MOB3C: variants seen among roughly 807,000 people sequenced by gnomAD.
MOB3C encodes the protein MOB kinase activator 3C, also known as MOB1, Mps One Binder kinase activator-like 2C.
MOB3C carries 17 observed loss-of-function variants against 19.8 expected under a neutral mutation model. That is an observed-to-expected ratio of 0.86 (90% confidence interval 0.59 to 1.29). The LOEUF is 1.29. MOB3C is among the 50% of genes most tolerant of loss of function. The pLI is 0.00. For synonymous variants in MOB3C, 101 were observed against 119.2 expected, an observed-to-expected ratio of 0.85 and a Z score of 0.99; for missense variants, 291 against 301.9, an observed-to-expected ratio of 0.96 and a Z score of 0.27.
chr1:46,615,257 C>T lies in MOB3C; in HGVS notation c.-51+1454G>A, dbSNP rs999476625. ...TTTCCTGCCCCACTTCCCACCTCCCCACACCAACCACCCTGGGCTTCTTCC... is the reference window on the plus strand; with the variant it reads ...TTTCCTGCCCCACTTCCCACCTCCCTACACCAACCACCCTGGGCTTCTTCC... On this transcript the variant is annotated intron_variant, in intron 1 of 3. Coordinates refer to ENST00000319928, the MANE Select transcript of MOB3C (RefSeq NM_201403.3). The T allele has an allele frequency of 2.2e-5, 13 of 580,696 alleles. No homozygotes were observed. In the East Asian group the frequency reaches 2.3e-4, roughly 10 times the overall value. The allele number at this position is 580,696 out of a possible 1,614,324, so 36.0% of individuals were successfully genotyped here.
intron 1 of MOB3C, chr1:46,613,597 C>T: frequency 1.8e-6 from 1 of 568,032 alleles, no homozygotes; most frequent in African/African-American, 1.9e-5. Flanking sequence ...TGCTTTGTCT[C>T]TTTTCTGCTT....
intron 2 of MOB3C, 36 bp downstream of exon 2, chr1:46,612,868 C>A: frequency 6.6e-7 from 1 of 1,515,450 alleles, no homozygotes; most frequent in Non-Finnish European, 8.9e-7. Flanking sequence ...GTGGAATGGG[C>A]TCCCAGTGGC....
chr1:46,612,668 AAAAAAG>A (rs1440395426), intron 2 of MOB3C, among the ~76,000 whole-genome samples: 2 of 142,870 alleles, frequency 1.4e-5, no homozygotes, highest in African/African-American at 5.1e-5. Flanking sequence ...GAAAAAAAAA[AAAAAAG>A]AAAGAAAGAA....
chr1:46,612,831 T>A, intron 2 of MOB3C, 73 bp downstream of exon 2: 1 of 1,404,902 alleles, frequency 7.1e-7, no homozygotes, highest in Non-Finnish European at 9.6e-7. Context: ...CCCTGCAGAG[T>A]GTCTATATCA....
At position 46,612,961 on chromosome 1, in the gene MOB3C, G is replaced by T. The variant is rs1340967017; in HGVS notation, c.361C>A (p.Leu121Ile). The T allele has an allele frequency of 3.8e-6, 6 of 1,598,172 alleles. No homozygotes were observed. The highest frequency in any genetic ancestry group is 5.1e-6 in the Non-Finnish European group (6 of 1,169,934). ...ATGAGGCCTTCGATCCAGTCCATGA[G>T]CAATGCCATATAGCGCGGCGCAGAG... ...KLSAPRYMALLMDWIEGLIND... is the reference protein window; with the variant it reads ...KLSAPRYMALIMDWIEGLIND... The change falls in exon 2 of 4, where the codon CTC becomes ATC. Residue 121 changes from leucine to isoleucine, a missense_variant. Leu to Ile is a conservative substitution (Grantham distance 5). Coordinates refer to ENST00000319928, the MANE Select transcript of MOB3C (RefSeq NM_201403.3).
At chr1:46,613,548 G>A in intron 1 of MOB3C, 177 bp from the exon 2 acceptor site, 2 of 626,836 alleles carry the variant, frequency 3.2e-6, no homozygotes, top group Non-Finnish European at 5.5e-6. Context: ...TCCAGGCTAT[G>A]TTAGTCCCCC....
chr1:46,610,118 G>C lies in MOB3C; in HGVS notation c.505C>G (p.His169Asp), dbSNP rs1440429191. ...FRVFVHVYIH[H>D]FDSILSMGAE... is the part of the protein sequence containing the mutation. ...CCCATGCTGAGGATGCTATCGAAGT[G>C]GTGGATGTAGACATGGACAAAGACT... Residue 169 changes from histidine to aspartate, a missense_variant, in exon 3 of 4, where the codon CAC becomes GAC. Coordinates refer to ENST00000319928, the MANE Select transcript of MOB3C (RefSeq NM_201403.3). The C allele has an allele frequency of 6.2e-7, 1 of 1,614,208 alleles. No homozygotes were observed. The highest frequency in any genetic ancestry group is 8.5e-7 in the Non-Finnish European group (1 of 1,180,052).
Position 46,609,319 on chromosome 1 carries a change from G to A in MOB3C, c.*336C>T, listed in dbSNP as rs528524903. ...CTTGCACCTTTCTTGCCATCACCTC[G>A]GCCACACCCACATTCCTCCAATAGG... On this transcript the variant is annotated 3_prime_UTR_variant, in exon 4 of 4. Coordinates refer to ENST00000319928, the MANE Select transcript of MOB3C (RefSeq NM_201403.3). The A allele has an allele frequency of 4.8e-6, 2 of 418,656 alleles. No individual in the cohort carries two copies. Among genetic ancestry groups the A allele is most frequent in the Admixed American group, 3.9e-5 (1 of 25,614 alleles). 25.9% of individuals were successfully genotyped at this position (418,656 alleles called of 1,614,324 possible). A position where few individuals can be genotyped will look rare whatever the true frequency, so the allele number is the denominator to read the frequency against.
In MOB3C at chr1:46,613,326, A is replaced by G. The variant is rs1198552539; in HGVS notation, c.-5T>C. ...CTGCTTCAGGCACAGGGCCATGGCC[A>G]GCTGGGCCTGGGGCTGCTGTCCAGG... On this transcript the variant is annotated 5_prime_UTR_variant, in exon 2 of 4. Coordinates refer to ENST00000319928, the MANE Select transcript of MOB3C (RefSeq NM_201403.3). 3 of 1,602,884 alleles carry G rather than the reference A, an allele frequency of 1.9e-6. No homozygotes were observed. Among genetic ancestry groups the G allele is most frequent in the Non-Finnish European group, 1.7e-6 (2 of 1,179,926 alleles).
In MOB3C at chr1:46,609,487, G is replaced by T; in HGVS notation, c.*168C>A. 1 of 814,406 alleles carries T rather than the reference G, an allele frequency of 1.2e-6. No homozygotes were observed. The highest frequency in any genetic ancestry group is 2.1e-6 in the Non-Finnish European group (1 of 487,396). 50.4% of individuals were successfully genotyped at this position (814,406 alleles called of 1,614,324 possible). A position where few individuals can be genotyped will look rare whatever the true frequency, so the allele number is the denominator to read the frequency against. ...CTCTCCCCTTCTCCATCCACAAGCG[G>T]TCAGGGCGACAGGTAGGCAGACTCC... On this transcript the variant is annotated 3_prime_UTR_variant, in exon 4 of 4. Transcript: ENST00000319928.
chr1:46,612,371 G>A (rs1360335199), intron 2 of MOB3C, among the ~76,000 whole-genome samples: 1 of 152,152 alleles, frequency 6.6e-6, no homozygotes, highest in African/African-American at 2.4e-5. Context: ...CAGCATCTGT[G>A]GTCTTGCCAG....
chr1:46,609,921 G>A (rs1338542886), intron 3 of MOB3C, 81 bp downstream of exon 3: 3 of 1,512,476 alleles, frequency 2.0e-6, no homozygotes, highest in African/African-American at 2.7e-5. Flanking sequence ...GGGCGTTGGA[G>A]TTACTTAAAG....
chr1:46,613,659 T>C, intron 1 of MOB3C: 1 of 444,824 alleles, frequency 2.2e-6, no homozygotes, highest in East Asian at 3.7e-5. Flanking sequence ...AGACTTGCTG[T>C]TGGTCACGAG....
rs1043628229 is a variant in MOB3C, at chr1:46,615,147, G to C, written c.-51+1564C>G. On this transcript the variant is annotated intron_variant, in intron 1 of 3. Transcript: ENST00000319928. ...ATCCCTCACACTGCAATTAGGCGGG[G>C]CTCCTGGGCTCCCCACATTGCATGG... is the stretch of plus-strand genomic sequence containing the variant. 20 of 1,207,470 alleles carry C rather than the reference G, an allele frequency of 1.7e-5. No homozygotes were observed. The East Asian group carries it at 4.5e-4, about 27-fold the overall frequency. 74.8% of individuals were successfully genotyped at this position (1,207,470 alleles called of 1,614,324 possible). A position where few individuals can be genotyped will look rare whatever the true frequency, so the allele number is the denominator to read the frequency against.
In MOB3C at chr1:46,609,521, A is replaced by G; in HGVS notation, c.*134T>C. On this transcript the variant is annotated 3_prime_UTR_variant, in exon 4 of 4. Coordinates refer to ENST00000319928, the MANE Select transcript of MOB3C (RefSeq NM_201403.3). ...ACAGGTAGGCAGACTCCTGAGAACCAGAAGTCCAGAGGCTTTGGGTGTGTG... is the reference window on the plus strand; with the variant it reads ...ACAGGTAGGCAGACTCCTGAGAACCGGAAGTCCAGAGGCTTTGGGTGTGTG... 1.7e-6 allele frequency: 2 copies of G among 1,150,854 alleles called. No homozygotes were observed. Among genetic ancestry groups the G allele is most frequent in the Non-Finnish European group, 2.6e-6 (2 of 776,886 alleles). 71.3% of individuals were successfully genotyped at this position (1,150,854 alleles called of 1,614,324 possible).
chr1:46,615,244 C>A, intron 1 of MOB3C: 1 of 595,634 alleles, frequency 1.7e-6, no homozygotes, highest in Non-Finnish European at 3.0e-6. Context: ...TCCTGCCCCA[C>A]TTCCCACCTC....
rs1425455955 is a variant in MOB3C, at chr1:46,613,076, G to A, written c.246C>T (p.Cys82=). Residue 82 remains cysteine, a synonymous_variant, in exon 2 of 4, where the codon TGC becomes TGT. Transcript: ENST00000319928. ...NLIYGTMAER[C]SETSCPVMAG... is the part of the protein sequence containing the mutation. ...CCATGACCGGGCAGCTGGTCTCACT[G>A]CAGCGCTCCGCCATAGTGCCGTAGA... 2.5e-6 allele frequency: 4 copies of A among 1,614,212 alleles called. No homozygotes were observed. In the South Asian group the frequency reaches 4.4e-5, roughly 18 times the overall value.
chr1:46,609,620 G>A lies in MOB3C; in HGVS notation c.*35C>T. 5.0e-6 allele frequency: 8 copies of A among 1,613,980 alleles called. No individual in the cohort carries two copies. The highest frequency in any genetic ancestry group is 2.2e-5 in the East Asian group (1 of 44,874). On this transcript the variant is annotated 3_prime_UTR_variant, in exon 4 of 4. Transcript: ENST00000319928. ...CTGCCAGCCACCCTATGTTCAGATCGTCCATCTGATGGCCAAAAAAGTCCA... is the reference window on the plus strand; with the variant it reads ...CTGCCAGCCACCCTATGTTCAGATCATCCATCTGATGGCCAAAAAAGTCCA...
intron 2 of MOB3C, 103 bp downstream of exon 2, chr1:46,612,801 G>T: frequency 1.7e-6 from 2 of 1,166,094 alleles, no homozygotes; most frequent in Non-Finnish European, 2.3e-6. Flanking sequence ...CACAAAATGG[G>T]GATGAAAATC....
Sources: allele counts gnomAD v4.1 joint callset (sites outside exome capture counted in the v4.1 genomes callset), GRCh38; gene constraint gnomAD v4.1.1; transcripts MANE v1.5; gene names NCBI Gene and HGNC (gene_info 2026-07-23, HGNC 2026-07-21).